The following TMPRSS5 variants were observed in gnomAD, a reference collection of about 807,000 sequenced individuals.
TMPRSS5 encodes transmembrane protease serine 5.
A neutral mutation model predicts 59.7 loss-of-function variants in TMPRSS5; 45 were observed. The ratio of observed to expected loss-of-function variants is 0.75; its 90% CI spans 0.59 to 0.97. The LOEUF (loss-of-function observed/expected upper bound fraction) is 0.97. Among genes scored for constraint, TMPRSS5 ranks in the 50% least tolerant of loss-of-function variants. The probability of loss-of-function intolerance (pLI) is 0.00; values close to 1 mark genes in which losing one functional copy is unlikely to be tolerated. For missense variants in TMPRSS5, 585 were observed against 596.7 expected (o/e 0.98, Z 0.20); for synonymous variants, 225 against 232.0 (o/e 0.97, Z 0.27).
chr11:113,697,366 A>T lies in TMPRSS5; in HGVS notation c.381T>A (p.Asp127Glu), dbSNP rs1591382856. The T allele has an allele frequency of 6.2e-7, 1 of 1,613,580 alleles. No homozygotes were observed. The change falls in exon 5 of 13, where the codon GAT (aspartate) becomes GAA (glutamate). Residue 127 changes from aspartate to glutamate, a missense_variant. Transcript: ENST00000299882. Reference protein sequence around the residue: ...EDFLLEAQVRDQPRWLLVCHE... With the variant: ...EDFLLEAQVREQPRWLLVCHE... ...GGCAGACCAGGAGCCAGCGTGGCTG[A>T]TCCCTCACTTGCGCTTCCAGCAAGA...
In TMPRSS5 at chr11:113,706,252, T is replaced by C; in HGVS notation, c.-28A>G. On this transcript the variant is annotated 5_prime_UTR_variant, in exon 1 of 13. Coordinates refer to ENST00000299882, the MANE Select transcript of TMPRSS5 (RefSeq NM_030770.4). Reference sequence around the variant, plus strand: ...GGGTCAGTGGCACTGTTGTAAAGCCTCAGGGTCTACTAGGCAATGTTCCGC... The same window carrying C: ...GGGTCAGTGGCACTGTTGTAAAGCCCCAGGGTCTACTAGGCAATGTTCCGC... 6.3e-7 allele frequency: 1 copy of C among 1,599,842 alleles called. No homozygotes were observed. Among genetic ancestry groups the C allele is most frequent in the Non-Finnish European group, 8.5e-7 (1 of 1,173,428 alleles).
chr11:113,697,133 C>A, intron 5 of TMPRSS5, 150 bp downstream of exon 5: 1 of 1,259,666 alleles, frequency 7.9e-7, no homozygotes, highest in Non-Finnish European at 1.1e-6. Context: ...GCTGGGGCAC[C>A]ATTGTGCCCA....
intron 4 of TMPRSS5, 190 bp downstream of exon 4, chr11:113,698,715 C>T (rs561498619): frequency 1.5e-6 from 1 of 664,610 alleles, no homozygotes; most frequent in South Asian, 1.9e-5. Context: ...GGACAGTCCT[C>T]AGGCAGTGCT....
chr11:113,692,951 T>A, intron 9 of TMPRSS5, 120 bp downstream of exon 9: 2 of 1,081,340 alleles, frequency 1.8e-6, no homozygotes, highest in Non-Finnish European at 2.6e-6. Context: ...ATAAATAGAA[T>A]GTTTTAAGGT....
intron 12 of TMPRSS5, 57 bp from the exon 13 acceptor site, chr11:113,688,331 CTT>C (rs780895791): frequency 9.6e-6 from 12 of 1,256,234 alleles, no homozygotes; most frequent in South Asian, 6.5e-5. Flanking sequence ...AGCCAAGCGA[CTT>C]TTATTTTAGT....
chr11:113,697,334 C>T lies in TMPRSS5; in HGVS notation c.413G>A (p.Gly138Asp). ...QPRWLLVCHE[G>D]WSPALGLQIC... ...CTGCAGCCCCAGGGCGGGGCTCCAG[C>T]CCTCATGGCAGACCAGGAGCCAGCG... Residue 138 changes from glycine (G) to aspartate (D), a missense_variant, in exon 5 of 13, where the codon GGC becomes GAC. Transcript: ENST00000299882. 1 of 1,613,766 alleles carries T rather than the reference C, an allele frequency of 6.2e-7. No homozygotes were observed. The highest frequency in any genetic ancestry group is 8.5e-7 in the Non-Finnish European group (1 of 1,179,664).
chr11:113,705,210 A>G (rs553113867), intron 1 of TMPRSS5, among the ~76,000 whole-genome samples: 2 of 152,300 alleles, frequency 1.3e-5, no homozygotes, highest in East Asian at 1.9e-4. Context: ...GTCACATGAA[A>G]TGTTCTTTTC....
rs1952955377 is a variant in TMPRSS5 at position 113,697,279 on chromosome 11, T to C, written c.464+4A>G. The C allele has an allele frequency of 1.2e-6, 2 of 1,608,658 alleles. No individual in the cohort carries two copies. The highest frequency in any genetic ancestry group is 4.5e-5 in the East Asian group (2 of 44,740). On this transcript the variant is annotated splice_donor_region_variant and intron_variant, in intron 5 of 12. Coordinates refer to ENST00000299882, the MANE Select transcript of TMPRSS5 (RefSeq NM_030770.4). The stretch of plus-strand genomic sequence containing the variant: ...TCACAGGACCCACATCTAACTCCTG[T>C]TACCTGAGATGCCCAAGGCTCCAGC...
intron 5 of TMPRSS5, 126 bp from the exon 6 acceptor site, chr11:113,697,097 C>T: frequency 8.4e-7 from 1 of 1,188,838 alleles, no homozygotes. Flanking sequence ...TGTTAAAAAG[C>T]AGTAATACTC....
rs1482690963 is a variant in TMPRSS5 at position 113,693,081 on chromosome 11, G to A, written c.954C>T (p.Leu318=). Residue 318 remains leucine, a synonymous_variant, in exon 9 of 13, where the codon CTC becomes CTT. Coordinates refer to ENST00000299882, the MANE Select transcript of TMPRSS5 (RefSeq NM_030770.4). ...AAGCCAGTGCCGCACCTGAGAAGTT[G>A]AGAGCGGTCTGGAGCCTCAGGAGGG... The part of the protein sequence containing the change: ...DVALLRLQTA[L]NFSDTVGAVC... The A allele has an allele frequency of 1.3e-6, 2 of 1,508,968 alleles. No homozygotes were observed. The highest frequency in any genetic ancestry group is 1.8e-6 in the Non-Finnish European group (2 of 1,118,800). The allele number at this position is 1,508,968 out of a possible 1,614,324, so 93.5% of individuals were successfully genotyped here.
Position 113,697,393 on chromosome 11 carries a change from G to A in TMPRSS5, c.354C>T (p.Asp118=). ...KTVSFRINSE[D]FLLEAQVRDQ... is the part of the protein sequence containing the mutation. ...CCCTCACTTGCGCTTCCAGCAAGAA[G>A]TCTTCGCTGTTTATTCTGAAAGATA... Residue 118 remains aspartate, a synonymous_variant, in exon 5 of 13, where the codon GAC becomes GAT. Transcript: ENST00000299882. 1.2e-6 allele frequency: 2 copies of A among 1,613,848 alleles called. No homozygotes were observed. The highest frequency in any genetic ancestry group is 8.5e-7 in the Non-Finnish European group (1 of 1,179,722).
In TMPRSS5 at chr11:113,694,185, C is replaced by T. The variant is rs542837473; in HGVS notation, c.785+293G>A. Among the ~76,000 whole-genome samples the T allele has an allele frequency of 2.8e-5, 4 of 144,624 alleles. No homozygotes were observed. In the Admixed American group the frequency reaches 2.9e-4, roughly 11 times the overall value. 94.9% of individuals were successfully genotyped at this position (144,624 alleles called of 152,430 possible). The stretch of plus-strand genomic sequence containing the variant: ...GCTTGAACCCAGGAGGTGAAGGTTG[C>T]AGTGAGCCAAGATTGCGCCACTGCA... On this transcript the variant is annotated intron_variant, in intron 8 of 12. Transcript: ENST00000299882.
In TMPRSS5 at chr11:113,699,683, T is replaced by C. The variant is rs4936280; in HGVS notation, c.117A>G (p.Ala39=). 1,046,203 of 1,570,950 alleles carry C rather than the reference T, an allele frequency of 0.67. 352,526 individuals carry two copies. Among genetic ancestry groups the C allele is most frequent in the African/African-American group, 0.93 (68,524 of 73,956 alleles). The change falls in exon 3 of 13, where the codon GCA becomes GCG. Residue 39 remains alanine (A), a synonymous_variant. Transcript: ENST00000299882. ...PGDQQHPISQ[A]VCWRSMRRGC... ...CACGTCGCATGGAACGCCAGCACAC[T>C]GCCTGAGAAACTGTGGGAAAGGGCA...
intron 1 of TMPRSS5, 70 bp downstream of exon 1, chr11:113,706,151 AG>A: frequency 6.5e-7 from 1 of 1,547,298 alleles, no homozygotes; most frequent in Non-Finnish European, 8.8e-7. Flanking sequence ...TAGAATCCCA[AG>A]GGCAGAGGAG....
At chr11:113,700,004 G>T in intron 2 of TMPRSS5, 62 bp downstream of exon 2, 1 of 1,550,630 alleles carries the variant, frequency 6.4e-7, no homozygotes, top group Non-Finnish European at 8.7e-7. Flanking sequence ...TCCGGGGAAT[G>T]TAGGATGATT....
chr11:113,701,269 T>C (rs765796665), intron 1 of TMPRSS5, among the ~76,000 whole-genome samples: 1 of 152,152 alleles, frequency 6.6e-6, no homozygotes, highest in African/African-American at 2.4e-5. Flanking sequence ...GACAGGAAGA[T>C]GTGGGAAAGT....
intron 2 of TMPRSS5, 170 bp from the exon 3 acceptor site, chr11:113,699,863 G>A (rs915058399): frequency 6.9e-7 from 1 of 1,442,570 alleles, no homozygotes; most frequent in African/African-American, 1.4e-5. Context: ...AGGATGGAGA[G>A]GGCCTGATCA....
intron 9 of TMPRSS5, among the ~76,000 whole-genome samples, chr11:113,691,417 C>A (rs1169655111): frequency 6.6e-6 from 1 of 152,228 alleles, no homozygotes; most frequent in East Asian, 1.9e-4. Context: ...CTAACCGCAT[C>A]ACAGAGAAAG....
intron 9 of TMPRSS5, among the ~76,000 whole-genome samples, chr11:113,691,892 C>CTTTTCT (rs1555023401): frequency 8.3e-6 from 1 of 121,114 alleles, no homozygotes; most frequent in Non-Finnish European, 1.6e-5. Context: ...CCTTTTTTTT[C>CTTTTCT]TTTTTTTTTT....
Sources: allele counts gnomAD v4.1 joint callset (sites outside exome capture counted in the v4.1 genomes callset), GRCh38; gene constraint gnomAD v4.1.1; transcripts MANE v1.5; gene names NCBI Gene and HGNC (gene_info 2026-07-23, HGNC 2026-07-21).